DGKZ: variants seen among roughly 807,000 people sequenced by gnomAD.
The protein encoded by DGKZ is diacylglycerol kinase zeta.
Under a neutral mutation model 142.5 loss-of-function variants are expected in DGKZ, and 45 were observed. The ratio of observed to expected loss-of-function variants is 0.32; its 90% confidence interval spans 0.25 to 0.40. DGKZ has a LOEUF of 0.40. Among genes scored for constraint, DGKZ ranks in the 10% least tolerant of loss-of-function variants. The probability of loss-of-function intolerance (pLI) is 1.00; values close to 1 mark genes in which losing one functional copy is unlikely to be tolerated. For synonymous variants in DGKZ, 442 were observed against 527.0 expected (o/e 0.84, Z 2.21); for missense variants, 755 against 1,306.5 (o/e 0.58, Z 6.51).
At chr11:46,360,970 G>C (rs1332583588) in intron 1 of DGKZ, among the ~76,000 whole-genome samples, 1 of 152,056 alleles carries the variant, frequency 6.6e-6, no homozygotes, top group East Asian at 1.9e-4. Context: ...AGACCCAGAA[G>C]CTGGAGTCCC....
chr11:46,336,422 A>G (rs2136374663), intron 1 of DGKZ, among the ~76,000 whole-genome samples: 1 of 152,314 alleles, frequency 6.6e-6, no homozygotes, highest in East Asian at 1.9e-4. Context: ...CTGGTTTCCA[A>G]TAAGTCATAA....
intron 1 of DGKZ, chr11:46,366,267 T>A: frequency 6.3e-7 from 1 of 1,579,986 alleles, no homozygotes; most frequent in Non-Finnish European, 8.5e-7. Flanking sequence ...ATGGAGACTT[T>A]CTTTAGGAGA....
intron 1 of DGKZ, among the ~76,000 whole-genome samples, chr11:46,339,076 C>G (rs1940154855): frequency 6.6e-6 from 1 of 152,156 alleles, no homozygotes. Flanking sequence ...TACGGTCCTC[C>G]CCCTTCTCCA....
Position 46,371,606 on chromosome 11 carries a change from G to T in DGKZ, c.759+3G>T, listed in dbSNP as rs746150289. 6 of 1,612,272 alleles carry T rather than the reference G, an allele frequency of 3.7e-6. No individual in the cohort carries two copies. The East Asian group carries it at 1.3e-4, about 36-fold the overall frequency. Reference sequence around the variant, plus strand: ...TCCTCCGCGCCCGGAGGCCCCAGGTGAGTACTGCCTGCACCCTTGATGCCC... The same window carrying T: ...TCCTCCGCGCCCGGAGGCCCCAGGTTAGTACTGCCTGCACCCTTGATGCCC... On this transcript the variant is annotated splice_donor_region_variant and intron_variant, in intron 8 of 30. Coordinates refer to ENST00000527911, the Ensembl canonical transcript of DGKZ.
chr11:46,372,459 A>G lies in DGKZ; in HGVS notation c.959A>G (p.Tyr320Cys), dbSNP rs1343650240. The stretch of plus-strand genomic sequence containing the variant: ...AAGATCATCCAGTCTTTCCTCTGGT[A>G]TCTCAATCCCCGACAAGTCTTCGAC... Residue 320 changes from tyrosine to cysteine, a missense_variant, in exon 11 of 31, where the codon TAT (tyrosine) becomes TGT (cysteine). Physicochemically the swap from Tyr to Cys is radical, Grantham distance 194 (BLOSUM62 -2). Transcript: ENST00000527911. The surrounding 1 kb of genome is among the most constrained non-coding windows in gnomAD (Gnocchi z 5.9). 11 of 1,613,882 alleles carry G rather than the reference A, an allele frequency of 6.8e-6. No individual in the cohort carries two copies. Among genetic ancestry groups the G allele is most frequent in the Non-Finnish European group, 9.3e-6 (11 of 1,180,004 alleles).
intron 19 of DGKZ, 151 bp from the exon 20 acceptor site, chr11:46,375,280 AC>A: frequency 1.1e-6 from 1 of 916,596 alleles, no homozygotes; most frequent in Non-Finnish European, 1.6e-6. Flanking sequence ...TCCCTTTCCT[AC>A]CTGGGGTCTC....
rs1943398913 is a variant in DGKZ at position 46,367,113 on chromosome 11, C to T, written c.162-178C>T. 1.2e-5 allele frequency: 16 copies of T among 1,312,442 alleles called. No homozygotes were observed. In the South Asian group the frequency reaches 1.4e-4, roughly 11 times the overall value. 81.3% of individuals were successfully genotyped at this position (1,312,442 alleles called of 1,614,324 possible). On this transcript the variant is annotated intron_variant, in intron 1 of 30. Coordinates refer to ENST00000527911, the Ensembl canonical transcript of DGKZ. The surrounding 1 kb of genome is among the most constrained non-coding windows in gnomAD (Gnocchi z 4.1). Reference sequence around the variant, plus strand: ...AACACTCTGGGCAGTACCCTGAAGCCAGCGTACCCCAAAAGGCCATGTCTC... The same window carrying T: ...AACACTCTGGGCAGTACCCTGAAGCTAGCGTACCCCAAAAGGCCATGTCTC...
upstream of DGKZ, among the ~76,000 whole-genome samples, chr11:46,343,081 G>A (rs1481276258): frequency 6.6e-6 from 1 of 151,464 alleles, no homozygotes; most frequent in Non-Finnish European, 1.5e-5. Context: ...CAGAGATCAC[G>A]CCACTACACT....
intron 6 of DGKZ, among the ~76,000 whole-genome samples, 161 bp from the exon 7 acceptor site, chr11:46,371,152 T>TG (rs1157022920): frequency 7.2e-5 from 11 of 151,936 alleles, no homozygotes; most frequent in Non-Finnish European, 1.0e-4. Context: ...CCCAGTTACT[T>TG]GGGGGGGCTG....
chr11:46,349,903 CT>C (rs1271760543), intron 1 of DGKZ, among the ~76,000 whole-genome samples: 2 of 152,210 alleles, frequency 1.3e-5, no homozygotes, highest in African/African-American at 4.8e-5. Flanking sequence ...TAGATCTTCC[CT>C]TGGCGTGTCT....
intron 1 of DGKZ, among the ~76,000 whole-genome samples, chr11:46,354,554 C>CA (rs1260887444): frequency 3.3e-5 from 5 of 152,116 alleles, no homozygotes; most frequent in Non-Finnish European, 7.3e-5. Flanking sequence ...AATATCTTGG[C>CA]GTTAGAAAAG....
chr11:46,379,572 AGCAGACG>A lies in DGKZ; in HGVS notation c.2688+9_2688+15del, dbSNP rs1378973884. 9 of 1,603,346 alleles carry A rather than the reference AGCAGACG, an allele frequency of 5.6e-6. No individual in the cohort carries two copies. In the East Asian group the frequency reaches 2.0e-4, roughly 36 times the overall value. ...GCTCATGAAGACAGACCAGCAGGTG[AGCAGACG>A]GCAGGCAGGGAGCCCACGAGGGCAC... On this transcript the variant is annotated splice_donor_5th_base_variant and intron_variant, in intron 30 of 30. Coordinates refer to ENST00000527911, the Ensembl canonical transcript of DGKZ.
intron 1 of DGKZ, among the ~76,000 whole-genome samples, chr11:46,352,556 G>C (rs1941535857): frequency 1.3e-5 from 2 of 152,208 alleles, no homozygotes; most frequent in South Asian, 4.1e-4. Flanking sequence ...AGCTAGCCGG[G>C]GTCATCTGGG....
At chr11:46,347,420 A>T, upstream of DGKZ, 1 of 982,384 alleles carries the variant, frequency 1.0e-6, no homozygotes, top group Non-Finnish European at 1.2e-6. This position sits in a 1 kb window ranked among gnomAD's most constrained non-coding sequence, Gnocchi z 6.4. Context: ...GCGGGCAGGC[A>T]GCGGCCCGGC....
intron 9 of DGKZ, 43 bp downstream of exon 9, chr11:46,371,818 A>T: frequency 6.3e-7 from 1 of 1,590,202 alleles, no homozygotes; most frequent in Non-Finnish European, 8.6e-7. Flanking sequence ...AGCAGGAGAG[A>T]GGGGTCTGTT....
rs150508379 is a variant in DGKZ at position 46,367,222 on chromosome 11, C to A, written c.162-69C>A. On this transcript the variant is annotated intron_variant, in intron 1 of 30. Coordinates refer to ENST00000527911, the Ensembl canonical transcript of DGKZ. The surrounding 1 kb of genome is among the most constrained non-coding windows in gnomAD (Gnocchi z 4.1). ...CCGAGGTCACGGAAAGGGCAGAGGC[C>A]CCAGGAGGTGGGAGGAAGTAGGGTC... 406 of 1,433,776 alleles carry A rather than the reference C, an allele frequency of 2.8e-4. 1 individual carries two copies. The East Asian group carries it at 8.5e-3, about 30-fold the overall frequency. The allele number at this position is 1,433,776 out of a possible 1,614,324, so 88.8% of individuals were successfully genotyped here.
chr11:46,378,616 T>A (rs1944837028), intron 27 of DGKZ, 116 bp downstream of exon 27: 2 of 1,355,372 alleles, frequency 1.5e-6, no homozygotes, highest in South Asian at 1.2e-5. Flanking sequence ...TGTCATCGTC[T>A]GGCCCTCTGT....
At chr11:46,374,425 C>T (rs1944312941) in exon 16 of DGKZ, 3 of 1,614,136 alleles carry the variant, frequency 1.9e-6, no homozygotes, top group Non-Finnish European at 8.5e-7. Flanking sequence ...ATTCAACAGC[C>T]GCTTTCGGAA....
chr11:46,367,640 T>C lies in DGKZ; in HGVS notation c.271-12T>C. On this transcript the variant is annotated splice_polypyrimidine_tract_variant and intron_variant, in intron 2 of 30. Transcript: ENST00000527911. The surrounding 1 kb of genome is among the most constrained non-coding windows in gnomAD (Gnocchi z 4.1). ...GGCCAGCGTGTGCTGAGCAAGCCCA[T>C]CCCGTGGCTAGGAGTCAGCGACATA... 6.3e-7 allele frequency: 1 copy of C among 1,591,012 alleles called. No individual in the cohort carries two copies. Among genetic ancestry groups the C allele is most frequent in the Non-Finnish European group, 8.6e-7 (1 of 1,165,968 alleles).
Sources: gnomAD v4.1 joint callset for allele counts (sites outside exome capture counted in the v4.1 genomes callset) on GRCh38, gnomAD v4.1.1 for gene constraint, Gnocchi (gnomAD v3.1) non-coding constraint, MANE v1.5 for transcripts, NCBI Gene and HGNC (gene_info 2026-07-23, HGNC 2026-07-21) for gene names.